The following TRMT11 variants were observed in gnomAD, a reference collection of about 807,000 sequenced individuals.
TRMT11 encodes tRNA (guanine(10)-N(2))-methyltransferase TRMT11.
Under a neutral mutation model 62.8 loss-of-function variants are expected in TRMT11, and 53 were observed. That is an observed-to-expected ratio of 0.84 (90% confidence interval 0.68 to 1.06). The LOEUF (loss-of-function observed/expected upper bound fraction) is 1.06. Ranked by LOEUF, TRMT11 falls within the 50% of genes least tolerant of loss-of-function variation. The pLI is 0.00. For missense variants in TRMT11, 556 were observed against 553.4 expected, an observed-to-expected ratio of 1.00 and a Z score of -0.05; for synonymous variants, 188 against 190.3, an observed-to-expected ratio of 0.99 and a Z score of 0.10.
At chr6:126,033,043 A>T (rs1203894226) in intron 12 of TRMT11, among the ~76,000 whole-genome samples, 1 of 152,158 alleles carries the variant, frequency 6.6e-6, no homozygotes, top group African/African-American at 2.4e-5. Flanking sequence ...AAGCAAACCA[A>T]TAAAGCAGCT....
At chr6:126,085,294 G>T (rs2128160892) in intron 17 of TRMT11, among the ~76,000 whole-genome samples, 1 of 152,224 alleles carries the variant, frequency 6.6e-6, no homozygotes, top group Middle Eastern at 3.4e-3. Context: ...TGTACATTCT[G>T]CTAGGGCAGG....
At chr6:126,175,704 A>G (rs1235733888), upstream of TRMT11, among the ~76,000 whole-genome samples, 1 of 152,178 alleles carries the variant, frequency 6.6e-6, no homozygotes, top group African/African-American at 2.4e-5. Context: ...CTTAGTTACT[A>G]TTAGAAAGCA....
chr6:126,196,973 CA>C (rs999413272), intron 1 of TRMT11, among the ~76,000 whole-genome samples: 2 of 151,620 alleles, frequency 1.3e-5, no homozygotes, highest in African/African-American at 4.8e-5. Context: ...CATAGTTTCT[CA>C]AAAAAAATGA....
chr6:126,241,969 C>A, the TRMT11 span, among the ~76,000 whole-genome samples: 64 of 152,180 alleles, frequency 4.2e-4, 1 homozygote, highest in South Asian at 8.3e-4. Flanking sequence ...AAGGGTATTC[C>A]ATTAGGAAAA....
At chr6:126,080,796 C>T (rs956500412) in intron 17 of TRMT11, among the ~76,000 whole-genome samples, 7 of 151,624 alleles carry the variant, frequency 4.6e-5, no homozygotes, top group Non-Finnish European at 4.4e-5. Flanking sequence ...CACAGTGGGC[C>T]CAGTTGGTCA....
chr6:126,158,248 A>G (rs998910393), intron 21 of TRMT11, among the ~76,000 whole-genome samples: 7 of 152,088 alleles, frequency 4.6e-5, no homozygotes, highest in Admixed American at 2.0e-4. Context: ...CTCTACCTCA[A>G]TCTTTTCCCT....
intron 17 of TRMT11, among the ~76,000 whole-genome samples, chr6:126,093,581 GTA>G (rs1562321267): frequency 5.4e-5 from 2 of 37,086 alleles, no homozygotes; most frequent in South Asian, 1.1e-3. Context: ...AACAGGATAT[GTA>G]TGTATATATA....
intron 21 of TRMT11, among the ~76,000 whole-genome samples, chr6:126,153,506 C>T (rs1481659498): frequency 6.6e-6 from 1 of 152,164 alleles, no homozygotes; most frequent in Non-Finnish European, 1.5e-5. Flanking sequence ...AAGACTATCA[C>T]ATATTGTAAA....
chr6:126,075,956 C>T (rs1483662138), intron 17 of TRMT11, among the ~76,000 whole-genome samples: 2 of 152,084 alleles, frequency 1.3e-5, no homozygotes, highest in Non-Finnish European at 2.9e-5. Context: ...ATCACAGGGC[C>T]CCAAGGAACT....
At chr6:126,226,245 C>A in the TRMT11 span, among the ~76,000 whole-genome samples, 23 of 152,166 alleles carry the variant, frequency 1.5e-4, no homozygotes, top group African/African-American at 4.6e-4. Context: ...CATGTACTGG[C>A]TAATATTTTA....
intron 16 of TRMT11, among the ~76,000 whole-genome samples, chr6:126,046,602 G>A (rs902488240): frequency 1.3e-5 from 2 of 152,118 alleles, no homozygotes; most frequent in Non-Finnish European, 2.9e-5. Flanking sequence ...TGAATATGCT[G>A]GGGGACTTTA....
Position 126,013,253 on chromosome 6 carries a change from CTT to C in TRMT11, c.1139+156_1139+157del, listed in dbSNP as rs1377492302. 18 of 742,558 alleles carry C rather than the reference CTT, an allele frequency of 2.4e-5. No individual in the cohort carries two copies. The East Asian group carries it at 5.1e-4, about 21-fold the overall frequency. 46.0% of individuals were successfully genotyped at this position (742,558 alleles called of 1,614,324 possible). A position where few individuals can be genotyped will look rare whatever the true frequency, so the allele number is the denominator to read the frequency against. On this transcript the variant is annotated intron_variant, in intron 11 of 12. Coordinates refer to ENST00000334379, the MANE Select transcript of TRMT11 (RefSeq NM_001031712.3). ...TGCCTTCAAATGTGTATAAAATAGTCTTTTTATTTATTTAGTTTTTTGAGACA... is the reference window on the plus strand; with the variant it reads ...TGCCTTCAAATGTGTATAAAATAGTCTTTATTTATTTAGTTTTTTGAGACA...
the TRMT11 span, among the ~76,000 whole-genome samples, chr6:126,262,619 C>G: frequency 5.9e-5 from 9 of 152,168 alleles, no homozygotes; most frequent in African/African-American, 2.2e-4. Flanking sequence ...CAGCAGTGTA[C>G]TTGTGTGAAA....
At chr6:126,089,744 G>A (rs745444131) in intron 17 of TRMT11, among the ~76,000 whole-genome samples, 1 of 152,174 alleles carries the variant, frequency 6.6e-6, no homozygotes, top group Non-Finnish European at 1.5e-5. Flanking sequence ...AAGTCATTAG[G>A]AATTTATGTC....
intron 17 of TRMT11, among the ~76,000 whole-genome samples, chr6:126,087,158 T>C (rs745623752): frequency 1.3e-5 from 2 of 152,234 alleles, no homozygotes; most frequent in Non-Finnish European, 2.9e-5. Context: ...ATAAGCTCTA[T>C]GCAGAAGCTC....
At chr6:125,987,830 C>T (rs1789917714) in intron 1 of TRMT11, among the ~76,000 whole-genome samples, 1 of 152,186 alleles carries the variant, frequency 6.6e-6, no homozygotes, top group Non-Finnish European at 1.5e-5. Flanking sequence ...ATTTTGTTTA[C>T]ACTGAATTTG....
At chr6:125,991,195 G>A (rs573558460) in intron 1 of TRMT11, among the ~76,000 whole-genome samples, 3 of 149,000 alleles carry the variant, frequency 2.0e-5, no homozygotes, top group African/African-American at 7.5e-5. Flanking sequence ...GCAGTGAGCC[G>A]AGATCACACC....
chr6:126,052,970 G>T (rs1209690807), intron 16 of TRMT11, among the ~76,000 whole-genome samples: 2 of 152,116 alleles, frequency 1.3e-5, no homozygotes, highest in Non-Finnish European at 2.9e-5. Flanking sequence ...TCAGCTTTCT[G>T]GGGAAGACCT....
intron 12 of TRMT11, among the ~76,000 whole-genome samples, chr6:126,038,452 AAG>A (rs1491020431): frequency 8.9e-5 from 12 of 134,804 alleles, no homozygotes; most frequent in South Asian, 4.5e-4. Context: ...AAAAAAAAAA[AAG>A]AAAAAAAGAA....
Sources: allele counts gnomAD v4.1 joint callset (sites outside exome capture counted in the v4.1 genomes callset), GRCh38; gene constraint gnomAD v4.1.1; transcripts MANE v1.5; gene names NCBI Gene and HGNC (gene_info 2026-07-23, HGNC 2026-07-21).